Variants in CATSPERD observed in about 807,000 individuals in gnomAD.
CATSPERD encodes cation channel sperm-associated auxiliary subunit delta.
A neutral mutation model predicts 98.1 loss-of-function variants in CATSPERD; 86 were observed. The observed-to-expected ratio is 0.88, with a 90% confidence interval of 0.74 to 1.05. CATSPERD has a LOEUF of 1.05. Among genes scored for constraint, CATSPERD ranks in the 50% least tolerant of loss-of-function variants. CATSPERD has a pLI of 0.00. For synonymous variants in CATSPERD, 394 were observed against 390.2 expected (o/e 1.01, Z -0.12); for missense variants, 995 against 1,005.7 (o/e 0.99, Z 0.14).
chr19:5,723,822 G>A (rs552230852), intron 1 of CATSPERD, among the ~76,000 whole-genome samples: 1 of 150,838 alleles, frequency 6.6e-6, no homozygotes, highest in South Asian at 2.1e-4. Context: ...TGTTGCCCGG[G>A]CTGGAGTGCA....
intron 14 of CATSPERD, among the ~76,000 whole-genome samples, chr19:5,758,760 A>T (rs1021033693): frequency 6.7e-6 from 1 of 149,036 alleles, no homozygotes; most frequent in Admixed American, 6.7e-5. Flanking sequence ...AAAGAGAAGA[A>T]AAAAAAGGCA....
At chr19:5,774,758 T>C (rs903934831) in intron 20 of CATSPERD, among the ~76,000 whole-genome samples, 3 of 152,090 alleles carry the variant, frequency 2.0e-5, no homozygotes, top group Non-Finnish European at 4.4e-5. Flanking sequence ...GGCTCACGCC[T>C]GTAATCCCAG....
chr19:5,767,648 A>C (rs931478230), intron 17 of CATSPERD, among the ~76,000 whole-genome samples: 12 of 149,692 alleles, frequency 8.0e-5, no homozygotes, highest in African/African-American at 2.2e-4. Flanking sequence ...CACCATGCCC[A>C]GCTAATTTTT....
At chr19:5,742,616 C>T (rs970729001) in intron 7 of CATSPERD, among the ~76,000 whole-genome samples, 3 of 151,784 alleles carry the variant, frequency 2.0e-5, no homozygotes, top group Admixed American at 6.6e-5. Flanking sequence ...ACCCACCCCC[C>T]ACCATATCTA....
intron 19 of CATSPERD, 129 bp from the exon 20 acceptor site, chr19:5,772,659 G>A (rs561074924): frequency 2.0e-5 from 18 of 886,536 alleles, no homozygotes; most frequent in African/African-American, 5.0e-5. Context: ...AGCGGCAGGC[G>A]TCCTTTGGTT....
At chr19:5,730,968 T>G (rs1424384810) in intron 4 of CATSPERD, among the ~76,000 whole-genome samples, 1 of 151,732 alleles carries the variant, frequency 6.6e-6, no homozygotes, top group Non-Finnish European at 1.5e-5. Context: ...GCCACTGCAC[T>G]CCAACCCCAG....
Position 5,722,267 on chromosome 19 carries a change from G to T in CATSPERD, c.71+1459G>T, listed in dbSNP as rs556566918. 3.9e-5 allele frequency among the ~76,000 whole-genome samples: 6 copies of T among 152,130 alleles called. No homozygotes were observed. The Middle Eastern group carries it at 0.02, about 517-fold the overall frequency. On this transcript the variant is annotated intron_variant, in intron 1 of 21. Transcript: ENST00000381624. Reference sequence around the variant, plus strand: ...CTCCAGAGTAGTTGGGATTATGGGCGCCTGCCACCACGTGCAGCTAATTTT... The same window carrying T: ...CTCCAGAGTAGTTGGGATTATGGGCTCCTGCCACCACGTGCAGCTAATTTT...
chr19:5,734,016 A>G (rs2055790015), intron 5 of CATSPERD, 46 bp downstream of exon 5: 1 of 1,135,044 alleles, frequency 8.8e-7, no homozygotes, highest in Non-Finnish European at 1.3e-6. Context: ...TGTAGTCAAC[A>G]TGAGAGAAGA....
chr19:5,768,789 T>C (rs561676271), intron 18 of CATSPERD, among the ~76,000 whole-genome samples: 1 of 152,234 alleles, frequency 6.6e-6, no homozygotes, highest in South Asian at 2.1e-4. Flanking sequence ...TCAGTGAGCA[T>C]GTACTGCCAC....
In CATSPERD at chr19:5,731,560, G is replaced by GTTTTTTTTTTTTTTTTT. The variant is rs67541709; in HGVS notation, c.276+1626_276+1642dup. Among the ~76,000 whole-genome samples the GTTTTTTTTTTTTTTTTT allele has an allele frequency of 3.0e-4, 23 of 75,724 alleles. 5 individuals are homozygous for GTTTTTTTTTTTTTTTTT. Among genetic ancestry groups the GTTTTTTTTTTTTTTTTT allele is most frequent in the African/African-American group, 4.0e-4 (8 of 20,176 alleles). 49.7% of individuals were successfully genotyped at this position (75,724 alleles called of 152,430 possible). A position where few individuals can be genotyped will look rare whatever the true frequency, so the allele number is the denominator to read the frequency against. On this transcript the variant is annotated intron_variant, in intron 4 of 21. Transcript: ENST00000381624. ...TTTCTCCTAAAAGCGACACTTAACA[G>GTTTTTTTTTTTTTTTTT]TTTTTTTTTTTTTTTTTTTTTTTTT... is the stretch of plus-strand genomic sequence containing the variant.
chr19:5,768,347 A>ATTTATTTAT, intron 18 of CATSPERD, 105 bp downstream of exon 18: 5 of 640,208 alleles, frequency 7.8e-6, no homozygotes, highest in Admixed American at 4.9e-5. Context: ...TTTATTTATT[A>ATTTATTTAT]TTATTATTGA....
chr19:5,768,220 A>G lies in CATSPERD; in HGVS notation c.1612A>G (p.Asn538Asp). 6.2e-7 allele frequency: 1 copy of G among 1,613,494 alleles called. No individual in the cohort carries two copies. Among genetic ancestry groups the G allele is most frequent in the Non-Finnish European group, 8.5e-7 (1 of 1,179,586 alleles). ...CCTGGACCCCTTGACCCTGCAAGAC[A>G]ATTACAGCTTCATCATCGAGAAGTA... ...GILDPLTLQD[N>D]YSFIIEKEFY... Residue 538 changes from asparagine to aspartate, a missense_variant, in exon 18 of 22, where the codon AAT (asparagine) becomes GAT (aspartate). By Grantham distance (23) the Asn-to-Asp change is conservative (BLOSUM62 1). Around this residue, in one of 3 missense-constraint regions of CATSPERD, gnomAD observed 762 missense variants for 773.7 expected, o/e 0.98. Coordinates refer to ENST00000381624, the MANE Select transcript of CATSPERD (RefSeq NM_152784.4).
intron 6 of CATSPERD, among the ~76,000 whole-genome samples, chr19:5,738,430 G>A (rs1250038374): frequency 2.0e-5 from 3 of 151,986 alleles, no homozygotes; most frequent in South Asian, 2.1e-4. Context: ...TACTCAGGTC[G>A]CTGGGGTGGG....
At chr19:5,777,497 C>T (rs1186856548) in intron 21 of CATSPERD, among the ~76,000 whole-genome samples, 1 of 152,218 alleles carries the variant, frequency 6.6e-6, no homozygotes. Context: ...TTTGCCCCTT[C>T]CGCCCTCTCT....
chr19:5,753,594 C>T (rs566676757), intron 12 of CATSPERD: 42 of 402,288 alleles, frequency 1.0e-4, no homozygotes, highest in African/African-American at 8.4e-4. Context: ...AGAGGTCAGG[C>T]GCAGTGGCTC....
At chr19:5,753,560 TC>T in intron 12 of CATSPERD, 1 of 374,418 alleles carries the variant, frequency 2.7e-6, no homozygotes, top group Non-Finnish European at 5.2e-6. Context: ...AGACTCTGTC[TC>T]AAAAAAAAAA....
In CATSPERD at chr19:5,725,448, G is replaced by C. The variant is rs1222293106; in HGVS notation, c.126+586G>C. On this transcript the variant is annotated intron_variant, in intron 2 of 21. Coordinates refer to ENST00000381624, the MANE Select transcript of CATSPERD (RefSeq NM_152784.4). Reference sequence around the variant, plus strand: ...TTACAGACGTTCACCACCGTGCCCAGCCTTGATGGGAGATTTTAAAATGCA... The same window carrying C: ...TTACAGACGTTCACCACCGTGCCCACCCTTGATGGGAGATTTTAAAATGCA... Among the ~76,000 whole-genome samples, 12 of 152,210 alleles carry C rather than the reference G, an allele frequency of 7.9e-5. No homozygotes were observed. In the East Asian group the frequency reaches 2.3e-3, roughly 29 times the overall value.
At chr19:5,762,015 G>A (rs1315776403) in intron 15 of CATSPERD, among the ~76,000 whole-genome samples, 2 of 128,122 alleles carry the variant, frequency 1.6e-5, no homozygotes, top group African/African-American at 2.8e-5. Flanking sequence ...TGGGATTACA[G>A]GTGAGAGCCA....
intron 1 of CATSPERD, among the ~76,000 whole-genome samples, chr19:5,722,883 G>C (rs2055521104): frequency 6.6e-6 from 1 of 152,136 alleles, no homozygotes; most frequent in African/African-American, 2.4e-5. Context: ...GCTGGGGTCT[G>C]TGAAGGAGCC....
Sources: gnomAD v4.1 joint callset for allele counts (sites outside exome capture counted in the v4.1 genomes callset) on GRCh38, gnomAD v4.1.1 for gene constraint, gnomAD v4.1.1 regional missense constraint, MANE v1.5 for transcripts, NCBI Gene and HGNC (gene_info 2026-07-23, HGNC 2026-07-21) for gene names.